LAMA2: variants seen among roughly 807,000 people sequenced by gnomAD.
LAMA2 encodes the protein laminin subunit alpha-2.
In LAMA2, 269 loss-of-function variants were observed where a neutral mutation model predicts 364.8. The observed-to-expected ratio is 0.74, with a 90% CI of 0.67 to 0.82. The LOEUF is 0.82. LAMA2 is among the 40% of genes least tolerant of loss of function. The pLI, the probability that LAMA2 is intolerant of heterozygous loss-of-function variation, is 0.00. For synonymous variants in LAMA2, 1,379 were observed against 1,370.6 expected (o/e 1.01, Z -0.14); for missense variants, 3,807 against 3,873.2 (o/e 0.98, Z 0.45).
At chr6:128,910,550 CA>C (rs1312025101) in intron 1 of LAMA2, among the ~76,000 whole-genome samples, 1 of 151,782 alleles carries the variant, frequency 6.6e-6, no homozygotes, top group African/African-American at 2.4e-5. Context: ...AAATTTTTTT[CA>C]AAGTTTTCAA....
At chr6:129,224,611 T>A (rs1417464658) in intron 12 of LAMA2, among the ~76,000 whole-genome samples, 6 of 151,352 alleles carry the variant, frequency 4.0e-5, no homozygotes, top group Admixed American at 2.0e-4. Context: ...AATCATGTGG[T>A]TTTTGTTTAT....
chr6:129,324,157 C>CA (rs1644776077), intron 28 of LAMA2, among the ~76,000 whole-genome samples: 2 of 152,120 alleles, frequency 1.3e-5, no homozygotes, highest in South Asian at 2.1e-4. Context: ...ATTTTGTTTA[C>CA]AAATATAACC....
intron 14 of LAMA2, 32 bp downstream of exon 14, chr6:129,252,327 C>T (rs781506278): frequency 1.3e-6 from 2 of 1,548,602 alleles, no homozygotes; most frequent in Admixed American, 1.7e-5. Context: ...CCAACGTTCA[C>T]ACATTTACTT....
intron 1 of LAMA2, among the ~76,000 whole-genome samples, chr6:128,921,671 C>G (rs552792305): frequency 6.6e-6 from 1 of 150,820 alleles, no homozygotes; most frequent in South Asian, 2.1e-4. Context: ...AGAGTTACAG[C>G]CTCCTGAACT....
chr6:129,021,950 G>C (rs999483338), intron 1 of LAMA2, among the ~76,000 whole-genome samples: 4 of 152,186 alleles, frequency 2.6e-5, no homozygotes, highest in African/African-American at 9.6e-5. Flanking sequence ...AGGCCACAAG[G>C]CATGGCAGGC....
At chr6:128,959,330 G>A (rs1338639821) in intron 1 of LAMA2, among the ~76,000 whole-genome samples, 1 of 152,160 alleles carries the variant, frequency 6.6e-6, no homozygotes, top group African/African-American at 2.4e-5. Context: ...TCCTTAGAAA[G>A]AGTGAAGAAA....
At chr6:128,915,758 G>T (rs1778272753) in intron 1 of LAMA2, among the ~76,000 whole-genome samples, 1 of 152,068 alleles carries the variant, frequency 6.6e-6, no homozygotes, top group South Asian at 2.1e-4. Flanking sequence ...TGGATAGTCT[G>T]CCAGTTATTT....
At chr6:129,028,712 T>A (rs1786012421) in intron 1 of LAMA2, among the ~76,000 whole-genome samples, 1 of 151,904 alleles carries the variant, frequency 6.6e-6, no homozygotes, top group Admixed American at 6.6e-5. Context: ...TTGACCTTCT[T>A]GAGGTTTGAA....
chr6:129,357,149 C>G (rs1777195239), intron 32 of LAMA2, among the ~76,000 whole-genome samples: 1 of 151,974 alleles, frequency 6.6e-6, no homozygotes, highest in South Asian at 2.1e-4. Flanking sequence ...AACCTGCCTT[C>G]AAGAAACTTA....
intron 4 of LAMA2, among the ~76,000 whole-genome samples, chr6:129,133,535 G>A (rs1777609864): frequency 6.6e-6 from 1 of 152,182 alleles, no homozygotes; most frequent in South Asian, 2.1e-4. Context: ...GTAGGCAAGT[G>A]TCAGAGTGTG....
intron 41 of LAMA2, among the ~76,000 whole-genome samples, chr6:129,433,307 G>A (rs920821739): frequency 2.6e-5 from 4 of 152,068 alleles, no homozygotes; most frequent in African/African-American, 9.7e-5. Context: ...ATTTGCTGGA[G>A]ACCTAGGAGA....
In LAMA2 at chr6:129,253,199, C is replaced by T. The variant is rs547273865; in HGVS notation, c.2096+904C>T. The stretch of plus-strand genomic sequence containing the variant: ...GTCTGAATGAGCTCTTTACGCTTCT[C>T]GTTTTCTACTCTAATAATAAATAAC... On this transcript the variant is annotated intron_variant, in intron 14 of 64. Transcript: ENST00000421865. Among the ~76,000 whole-genome samples, 9 of 152,260 alleles carry T rather than the reference C, an allele frequency of 5.9e-5. No individual in the cohort carries two copies. In the South Asian group the frequency reaches 6.2e-4, roughly 11 times the overall value.
chr6:128,905,088 A>G (rs992774241), intron 1 of LAMA2, among the ~76,000 whole-genome samples: 2 of 152,218 alleles, frequency 1.3e-5, no homozygotes, highest in Non-Finnish European at 2.9e-5. Context: ...TAGAAACTGG[A>G]TAACTTTAAA....
Position 129,371,500 on chromosome 6 carries a change from A to G in LAMA2, c.4959+1510A>G, listed in dbSNP as rs114676612. 8.8e-3 allele frequency among the ~76,000 whole-genome samples: 1,341 copies of G among 152,104 alleles called. 21 individuals are homozygous for G. Among genetic ancestry groups the G allele is most frequent in the African/African-American group, 0.031 (1,289 of 41,500 alleles). On this transcript the variant is annotated intron_variant, in intron 34 of 64. Transcript: ENST00000421865. Reference sequence around the variant, plus strand: ...ACTTTTTGGGAGTCTCTCATGTTCTAGGAATTATGACACTGGGGATAGAAG... The same window carrying G: ...ACTTTTTGGGAGTCTCTCATGTTCTGGGAATTATGACACTGGGGATAGAAG...
chr6:129,297,087 A>G (rs993092153), intron 20 of LAMA2, among the ~76,000 whole-genome samples: 4 of 152,216 alleles, frequency 2.6e-5, no homozygotes, highest in African/African-American at 7.2e-5. Flanking sequence ...AATGAAACCT[A>G]AGAAATCAAA....
chr6:129,102,814 C>T (rs1394478410), intron 4 of LAMA2, among the ~76,000 whole-genome samples: 1 of 152,182 alleles, frequency 6.6e-6, no homozygotes, highest in Non-Finnish European at 1.5e-5. Flanking sequence ...TCTGGATCAT[C>T]TTAATTCAAT....
chr6:128,977,525 G>T (rs1287784433), intron 1 of LAMA2, among the ~76,000 whole-genome samples: 3 of 151,960 alleles, frequency 2.0e-5, no homozygotes, highest in African/African-American at 7.2e-5. Context: ...GCCTTTCAAA[G>T]TGCTGGGATT....
At chr6:129,363,613 C>T (rs1583578615) in intron 32 of LAMA2, among the ~76,000 whole-genome samples, 1 of 152,166 alleles carries the variant, frequency 6.6e-6, no homozygotes, top group South Asian at 2.1e-4. Flanking sequence ...AAGTGTGGTG[C>T]ACAGACCAAC....
rs561665478 is a variant in LAMA2, at chr6:129,165,325, A to G, written c.1207-251A>G. Among the ~76,000 whole-genome samples the G allele has an allele frequency of 2.0e-5, 3 of 152,240 alleles. No individual in the cohort carries two copies. In the East Asian group the frequency reaches 5.8e-4, roughly 29 times the overall value. Reference sequence around the variant, plus strand: ...ATAAAAAGGAATAAAACATGAAAATATCAATAAGTATTGAATCTAAGTAAC... The same window carrying G: ...ATAAAAAGGAATAAAACATGAAAATGTCAATAAGTATTGAATCTAAGTAAC... On this transcript the variant is annotated intron_variant, in intron 8 of 64. Transcript: ENST00000421865.
Sources: allele counts gnomAD v4.1 joint callset (sites outside exome capture counted in the v4.1 genomes callset), GRCh38; gene constraint gnomAD v4.1.1; transcripts MANE v1.5; gene names NCBI Gene and HGNC (gene_info 2026-07-23, HGNC 2026-07-21).